CAST: variants seen among roughly 807,000 people sequenced by gnomAD.
CAST encodes the protein MIR583 host.
In CAST, 76 loss-of-function variants were observed where a neutral mutation model predicts 119.6. The observed-to-expected ratio is 0.64, with a 90% confidence interval of 0.53 to 0.77. CAST has a LOEUF of 0.77. CAST is among the 30% of genes least tolerant of loss of function. The pLI, the probability that CAST is intolerant of heterozygous loss-of-function variation, is 0.00. For missense variants in CAST, 953 were observed against 946.5 expected, an observed-to-expected ratio of 1.01 and a Z score of -0.09; for synonymous variants, 319 against 331.6, an observed-to-expected ratio of 0.96 and a Z score of 0.41.
the CAST span, among the ~76,000 whole-genome samples, chr5:96,495,122 C>CAA: frequency 2.9e-3 from 146 of 50,782 alleles, no homozygotes; most frequent in African/African-American, 7.7e-3. Context: ...GAGACTGTCT[C>CAA]AAAAAAAAAA....
the CAST span, among the ~76,000 whole-genome samples, chr5:96,060,820 G>A: frequency 2.0e-5 from 3 of 152,048 alleles, no homozygotes; most frequent in Non-Finnish European, 4.4e-5. Context: ...CCATAGACTG[G>A]GTGGCTTAAA....
intron 1 of CAST, among the ~76,000 whole-genome samples, chr5:96,627,600 G>T (rs1029588288): frequency 2.6e-5 from 4 of 152,176 alleles, no homozygotes; most frequent in Admixed American, 6.5e-5. Context: ...GTAAAAAACT[G>T]TGTTGTTCCA....
At chr5:96,518,383 T>G in the CAST span, among the ~76,000 whole-genome samples, 1 of 152,212 alleles carries the variant, frequency 6.6e-6, no homozygotes, top group Non-Finnish European at 1.5e-5. Flanking sequence ...ATGGGATATC[T>G]GGGAGGGTGA....
the CAST span, among the ~76,000 whole-genome samples, chr5:96,191,586 A>G: frequency 6.6e-6 from 1 of 152,230 alleles, no homozygotes; most frequent in Non-Finnish European, 1.5e-5. Context: ...GTGAGGATAT[A>G]ATAAAGATGG....
intron 1 of CAST, among the ~76,000 whole-genome samples, chr5:96,564,955 C>A (rs1475400055): frequency 3.3e-5 from 5 of 152,144 alleles, no homozygotes; most frequent in Non-Finnish European, 2.9e-5. Context: ...CTCACCCAGG[C>A]AGAGTGGAGT....
At chr5:96,386,534 T>C in the CAST span, among the ~76,000 whole-genome samples, 1 of 152,238 alleles carries the variant, frequency 6.6e-6, no homozygotes, top group Admixed American at 6.5e-5. Context: ...TTTTCTCCTT[T>C]ATTGGATTTG....
At chr5:96,741,093 A>T in intron 13 of CAST, 173 bp from the exon 14 acceptor site, 1 of 601,726 alleles carries the variant, frequency 1.7e-6, no homozygotes, top group East Asian at 2.8e-5. Context: ...ATAATACTCA[A>T]TGAGTAGCCA....
chr5:96,747,137 T>G (rs1428658141), intron 17 of CAST, among the ~76,000 whole-genome samples: 1 of 152,182 alleles, frequency 6.6e-6, no homozygotes, highest in African/African-American at 2.4e-5. Context: ...AAAGTAAATG[T>G]GCATTCTGCT....
chr5:96,557,015 C>G (rs1746256014), intron 1 of CAST, among the ~76,000 whole-genome samples: 1 of 152,092 alleles, frequency 6.6e-6, no homozygotes, highest in Admixed American at 6.6e-5. Context: ...GATCTCTCGG[C>G]AGAAACTCTA....
At chr5:96,229,726 C>T in the CAST span, among the ~76,000 whole-genome samples, 20 of 152,046 alleles carry the variant, frequency 1.3e-4, no homozygotes, top group African/African-American at 2.7e-4. Context: ...TTTTCACTCC[C>T]GTAATCTATT....
the CAST span, among the ~76,000 whole-genome samples, chr5:96,184,342 CTT>C: frequency 7.2e-4 from 109 of 152,316 alleles, no homozygotes; most frequent in African/African-American, 2.6e-3. Flanking sequence ...ATACAACTCT[CTT>C]TTCTTTTTTC....
chr5:96,768,456 G>A (rs1037518541), intron 29 of CAST: 2 of 449,748 alleles, frequency 4.4e-6, no homozygotes, highest in Non-Finnish European at 8.9e-6. Context: ...AAGAAAAAAT[G>A]CCTATAATTC....
chr5:96,437,285 T>C, the CAST span, among the ~76,000 whole-genome samples: 3 of 152,342 alleles, frequency 2.0e-5, no homozygotes, highest in Middle Eastern at 3.4e-3. Flanking sequence ...ATTATTAAAA[T>C]GGAAGCAGTG....
chr5:96,511,317 G>A, the CAST span, among the ~76,000 whole-genome samples: 8 of 151,926 alleles, frequency 5.3e-5, no homozygotes, highest in South Asian at 1.7e-3. Flanking sequence ...GCTAATTTTT[G>A]TATTTTTAGT....
At chr5:95,988,671 G>A in the CAST span, among the ~76,000 whole-genome samples, 52,340 of 151,916 alleles carry the variant, frequency 0.34, 11,229 homozygotes, top group African/African-American at 0.61. Context: ...GATGTTGGAT[G>A]GGTTTCTTTA....
the CAST span, among the ~76,000 whole-genome samples, chr5:96,418,087 A>G: frequency 1.3e-5 from 2 of 152,340 alleles, no homozygotes; most frequent in South Asian, 4.1e-4. Flanking sequence ...CCTATTATTT[A>G]TCTCTCCTTG....
At chr5:96,754,794 ACACAGAAC>A in intron 22 of CAST, 53 bp downstream of exon 22, 1 of 1,023,998 alleles carries the variant, frequency 9.8e-7, no homozygotes, top group Non-Finnish European at 1.5e-6. Context: ...CTGAATTCAT[ACACAGAAC>A]AAAGGTACTT....
At chr5:96,024,858 A>G in the CAST span, among the ~76,000 whole-genome samples, 1 of 152,174 alleles carries the variant, frequency 6.6e-6, no homozygotes, top group East Asian at 1.9e-4. Flanking sequence ...TCCCTTTCTC[A>G]GAACTTGATG....
At chr5:96,602,820 A>G in intron 1 of CAST, among the ~76,000 whole-genome samples, 1 of 152,218 alleles carries the variant, frequency 6.6e-6, no homozygotes. Flanking sequence ...AAGGTGGTGA[A>G]GGAAAGCCTT....
Sources: gnomAD v4.1 joint callset for allele counts (sites outside exome capture counted in the v4.1 genomes callset) on GRCh38, gnomAD v4.1.1 for gene constraint, MANE v1.5 for transcripts, NCBI Gene and HGNC (gene_info 2026-07-23, HGNC 2026-07-21) for gene names.